CEP112: variants seen among roughly 807,000 people sequenced by gnomAD.
CEP112 encodes the protein centrosomal protein of 112 kDa.
A neutral mutation model predicts 153.0 loss-of-function variants in CEP112; 127 were observed. The ratio of observed to expected loss-of-function variants is 0.83; its 90% CI spans 0.72 to 0.96. The LOEUF (loss-of-function observed/expected upper bound fraction) is 0.96. CEP112 is among the 40% of genes least tolerant of loss of function. CEP112 has a pLI of 0.00. For synonymous variants in CEP112, 358 were observed against 374.4 expected, an observed-to-expected ratio of 0.96 and a Z score of 0.51; for missense variants, 1,089 against 1,101.2, an observed-to-expected ratio of 0.99 and a Z score of 0.16.
chr17:66,031,304 A>G (rs1021922279), intron 12 of CEP112, among the ~76,000 whole-genome samples: 3 of 151,622 alleles, frequency 2.0e-5, no homozygotes, highest in Non-Finnish European at 4.4e-5. Context: ...GATGATTTGT[A>G]TTCCTTCGTC....
chr17:66,035,814 C>T (rs1394294958), intron 12 of CEP112, among the ~76,000 whole-genome samples: 1 of 152,140 alleles, frequency 6.6e-6, no homozygotes. Flanking sequence ...CAGAAACATA[C>T]CAGGAAAACC....
intron 16 of CEP112, among the ~76,000 whole-genome samples, chr17:66,007,994 A>G (rs1404398051): frequency 2.0e-5 from 3 of 152,042 alleles, no homozygotes; most frequent in African/African-American, 7.2e-5. Context: ...CATTTTTGTT[A>G]CTGTCCTCAA....
chr17:66,021,914 A>T lies in CEP112; in HGVS notation c.1656+5587T>A, dbSNP rs1199835858. On this transcript the variant is annotated intron_variant, in intron 16 of 26. Coordinates refer to ENST00000535342, the MANE Select transcript of CEP112 (RefSeq NM_001199165.4). The stretch of plus-strand genomic sequence containing the variant: ...CAAGCATAAACTTTATTCCTACAAG[A>T]GCAACTGGCGTTTTTACCTGCAAGT... Among the ~76,000 whole-genome samples, 5 of 152,212 alleles carry T rather than the reference A, an allele frequency of 3.3e-5. No homozygotes were observed. The South Asian group carries it at 8.3e-4, about 25-fold the overall frequency.
At chr17:66,105,877 A>G (rs1278356817) in intron 6 of CEP112, among the ~76,000 whole-genome samples, 1 of 152,198 alleles carries the variant, frequency 6.6e-6, no homozygotes, top group African/African-American at 2.4e-5. Context: ...GATTATCCAC[A>G]AGGACAGACT....
At chr17:66,167,648 C>T (rs2072035060) in intron 4 of CEP112, among the ~76,000 whole-genome samples, 1 of 152,160 alleles carries the variant, frequency 6.6e-6, no homozygotes. Flanking sequence ...ACAGATAAAA[C>T]TGAAATTTCC....
At chr17:66,064,058 C>T (rs188597992) in intron 10 of CEP112, among the ~76,000 whole-genome samples, 1 of 152,266 alleles carries the variant, frequency 6.6e-6, no homozygotes, top group Admixed American at 6.5e-5. Flanking sequence ...CTTGCAGGGA[C>T]AGAAAGAAAT....
chr17:65,805,609 C>A (rs1289832472), intron 21 of CEP112, among the ~76,000 whole-genome samples: 1 of 152,148 alleles, frequency 6.6e-6, no homozygotes, highest in Non-Finnish European at 1.5e-5. Flanking sequence ...AGCTTTGGCA[C>A]ATATATTGAG....
chr17:65,702,308 C>A (rs936174628), intron 23 of CEP112, among the ~76,000 whole-genome samples: 2 of 152,196 alleles, frequency 1.3e-5, no homozygotes, highest in African/African-American at 4.8e-5. Context: ...CACCCTGCAT[C>A]CTTATCCTGT....
chr17:65,829,887 A>G (rs1177668352), intron 21 of CEP112, among the ~76,000 whole-genome samples: 1 of 152,216 alleles, frequency 6.6e-6, no homozygotes, highest in Non-Finnish European at 1.5e-5. Flanking sequence ...ACAACAGGTA[A>G]AAGTGAGAAT....
intron 4 of CEP112, among the ~76,000 whole-genome samples, chr17:66,153,785 G>C (rs149902629): frequency 2.2e-4 from 34 of 152,170 alleles, no homozygotes; most frequent in African/African-American, 7.5e-4. Context: ...AGGCAGTGTA[G>C]TATTAGCACA....
At chr17:65,641,669 C>T (rs1464600900) in intron 24 of CEP112, among the ~76,000 whole-genome samples, 1 of 152,070 alleles carries the variant, frequency 6.6e-6, no homozygotes, top group East Asian at 1.9e-4. Context: ...TCCTTTGAGC[C>T]CAGGAGATCA....
At chr17:65,902,006 G>GGGGAAAAAAAAAAAAAAAA in intron 20 of CEP112, 146 bp downstream of exon 20, 1 of 243,084 alleles carries the variant, frequency 4.1e-6, no homozygotes, top group Non-Finnish European at 6.9e-6. Context: ...GGGTGGGGGG[G>GGGGAAAAAAAAAAAAAAAA]AGAAAAACAA....
At chr17:66,163,465 T>C (rs1250531005) in intron 4 of CEP112, among the ~76,000 whole-genome samples, 1 of 151,990 alleles carries the variant, frequency 6.6e-6, no homozygotes. Flanking sequence ...AATAATCCAG[T>C]AAAGTATCAA....
intron 6 of CEP112, among the ~76,000 whole-genome samples, chr17:66,110,016 C>T (rs1299686695): frequency 1.3e-5 from 2 of 152,144 alleles, no homozygotes; most frequent in African/African-American, 2.4e-5. Context: ...AAAAATTTGC[C>T]TGGTGTGGTG....
chr17:66,058,694 AG>A (rs1185692823), intron 11 of CEP112, among the ~76,000 whole-genome samples: 3 of 152,004 alleles, frequency 2.0e-5, no homozygotes, highest in Non-Finnish European at 1.5e-5. Flanking sequence ...TACAAAAAAA[AG>A]TTTTAAATTA....
chr17:66,132,486 A>G (rs1158988634), intron 5 of CEP112, among the ~76,000 whole-genome samples, 184 bp downstream of exon 5: 2 of 152,216 alleles, frequency 1.3e-5, no homozygotes, highest in Non-Finnish European at 2.9e-5. Flanking sequence ...TTGAGGAAGT[A>G]GAAGGGATAC....
chr17:65,909,153 G>A (rs1160342178), intron 19 of CEP112, among the ~76,000 whole-genome samples: 1 of 152,170 alleles, frequency 6.6e-6, no homozygotes, highest in Non-Finnish European at 1.5e-5. Flanking sequence ...GAATGCCAGT[G>A]CTAGAAACAT....
At chr17:65,901,688 A>G (rs982369985) in intron 20 of CEP112, among the ~76,000 whole-genome samples, 1 of 152,096 alleles carries the variant, frequency 6.6e-6, no homozygotes, top group Non-Finnish European at 1.5e-5. Context: ...CATCTGAGTG[A>G]TCTAATCAAA....
intron 17 of CEP112, among the ~76,000 whole-genome samples, chr17:65,970,555 T>C (rs1314642671): frequency 1.3e-5 from 2 of 152,074 alleles, no homozygotes; most frequent in Non-Finnish European, 2.9e-5. Flanking sequence ...TACATGAAAG[T>C]TACCTACATC....
Sources: allele counts gnomAD v4.1 joint callset (sites outside exome capture counted in the v4.1 genomes callset), GRCh38; gene constraint gnomAD v4.1.1; transcripts MANE v1.5; gene names NCBI Gene and HGNC (gene_info 2026-07-23, HGNC 2026-07-21).